The following TMEM196 variants were observed in gnomAD, a reference collection of about 807,000 sequenced individuals.
The protein encoded by TMEM196 is transmembrane protein 196.
Under a neutral mutation model 20.0 loss-of-function variants are expected in TMEM196, and 17 were observed. The ratio of observed to expected loss-of-function variants is 0.85; its 90% CI spans 0.58 to 1.27. The LOEUF (loss-of-function observed/expected upper bound fraction) is 1.27. Among genes scored for constraint, TMEM196 ranks in the 50% most tolerant of loss-of-function variants. TMEM196 has a pLI of 0.00. For missense variants in TMEM196, 267 were observed against 223.0 expected (o/e 1.20, Z -1.26); for synonymous variants, 113 against 88.9 (o/e 1.27, Z -1.52).
chr7:19,731,566 C>T (rs943584473), intron 1 of TMEM196, among the ~76,000 whole-genome samples: 1 of 152,198 alleles, frequency 6.6e-6, no homozygotes, highest in African/African-American at 2.4e-5. Flanking sequence ...TCCCATTTAT[C>T]CAGAACTCAT....
intron 1 of TMEM196, among the ~76,000 whole-genome samples, chr7:19,772,089 A>T (rs1425477075): frequency 6.6e-6 from 1 of 152,136 alleles, no homozygotes; most frequent in Non-Finnish European, 1.5e-5. Context: ...TTGCCCAGGG[A>T]TAAATGCATA....
intron 1 of TMEM196, among the ~76,000 whole-genome samples, chr7:19,764,192 T>C (rs1358656248): frequency 1.3e-5 from 2 of 152,220 alleles, no homozygotes; most frequent in South Asian, 2.1e-4. Flanking sequence ...CAAGTCTTTC[T>C]TTTGATCCAG....
At chr7:19,747,070 A>T (rs951076302) in intron 1 of TMEM196, among the ~76,000 whole-genome samples, 33 of 151,746 alleles carry the variant, frequency 2.2e-4, no homozygotes, top group African/African-American at 7.7e-4. Flanking sequence ...CCCGGCTAAA[A>T]CGGTGAAACC....
chr7:19,765,689 C>G (rs1303751201), intron 1 of TMEM196, among the ~76,000 whole-genome samples: 1 of 151,970 alleles, frequency 6.6e-6, no homozygotes, highest in Non-Finnish European at 1.5e-5. Context: ...GAGTTTCTAC[C>G]ACCCTCTCTC....
At chr7:19,769,950 T>A (rs568523970) in intron 1 of TMEM196, among the ~76,000 whole-genome samples, 1 of 152,162 alleles carries the variant, frequency 6.6e-6, no homozygotes, top group South Asian at 2.1e-4. Flanking sequence ...TGTATTTAAT[T>A]TGTTCCTTTT....
intron 1 of TMEM196, among the ~76,000 whole-genome samples, chr7:19,747,465 G>A (rs1784801884): frequency 6.6e-6 from 1 of 152,122 alleles, no homozygotes; most frequent in Admixed American, 6.5e-5. Context: ...AAGGAATGGA[G>A]TAATGTTTAT....
intron 1 of TMEM196, among the ~76,000 whole-genome samples, chr7:19,742,328 A>G (rs960406105): frequency 6.6e-6 from 1 of 152,078 alleles, no homozygotes; most frequent in African/African-American, 2.4e-5. Context: ...TCTTCGAAGG[A>G]CTATAACCAA....
intron 2 of TMEM196, among the ~76,000 whole-genome samples, chr7:19,727,974 A>C (rs1353549889): frequency 2.6e-5 from 4 of 152,092 alleles, no homozygotes; most frequent in Admixed American, 6.5e-5. Context: ...AAATGCCATC[A>C]ATGGGGACCT....
chr7:19,723,241 T>C (rs565234912), intron 4 of TMEM196, among the ~76,000 whole-genome samples: 1 of 152,230 alleles, frequency 6.6e-6, no homozygotes, highest in South Asian at 2.1e-4. Context: ...GAACTCACCA[T>C]TGATGGCAAA....
intron 1 of TMEM196, among the ~76,000 whole-genome samples, chr7:19,765,490 A>G (rs1785590951): frequency 6.6e-6 from 1 of 152,180 alleles, no homozygotes; most frequent in South Asian, 2.1e-4. Context: ...CAAGTTTCTA[A>G]GATATTAAGC....
At chr7:19,771,763 T>C (rs10486369) in intron 1 of TMEM196, among the ~76,000 whole-genome samples, 4,766 of 152,278 alleles carry the variant, frequency 0.031, 252 homozygotes, top group African/African-American at 0.11. Context: ...AGATTCATCC[T>C]AGTAAAAAAG....
intron 1 of TMEM196, among the ~76,000 whole-genome samples, chr7:19,767,661 A>T (rs926988831): frequency 3.3e-5 from 5 of 152,036 alleles, no homozygotes; most frequent in African/African-American, 1.2e-4. Context: ...AATTTCAGTT[A>T]ATTTTAAAAT....
At chr7:19,753,935 A>T (rs1267602580) in intron 1 of TMEM196, among the ~76,000 whole-genome samples, 1 of 152,152 alleles carries the variant, frequency 6.6e-6, no homozygotes, top group African/African-American at 2.4e-5. Flanking sequence ...TTGCCACCGA[A>T]GGCACATCTT....
In TMEM196 at chr7:19,725,640, C is replaced by T. The variant is rs138886342; in HGVS notation, c.333G>A (p.Ala111=). ...GAGTGCAGCCCCCGATCCCAATGCA[C>T]GCGAGAGACATGGAGGCAAGGTGCA... ...YPLHLASMSL[A]CIGIGGCTLS... Residue 111 remains alanine (A), a synonymous_variant, in exon 3 of 5, where the codon GCG becomes GCA. Transcript: ENST00000405844. 25 of 1,614,086 alleles carry T rather than the reference C, an allele frequency of 1.5e-5. No individual in the cohort carries two copies. Among genetic ancestry groups the T allele is most frequent in the East Asian group, 2.2e-5 (1 of 44,880 alleles).
At chr7:19,760,592 C>G (rs938526057) in intron 1 of TMEM196, among the ~76,000 whole-genome samples, 2 of 152,068 alleles carry the variant, frequency 1.3e-5, no homozygotes, top group Admixed American at 1.3e-4. Flanking sequence ...AACTCCCAAC[C>G]TCAACCAATC....
chr7:19,752,099 C>T (rs917247511), intron 1 of TMEM196, among the ~76,000 whole-genome samples: 1 of 152,146 alleles, frequency 6.6e-6, no homozygotes, highest in Admixed American at 6.5e-5. Context: ...CAGATTGTGT[C>T]GATGCTCCAA....
intron 1 of TMEM196, among the ~76,000 whole-genome samples, chr7:19,749,540 A>AT (rs889359661): frequency 6.6e-6 from 1 of 152,146 alleles, no homozygotes; most frequent in African/African-American, 2.4e-5. Context: ...TTTTAAATAA[A>AT]TTTTTTTGTG....
At chr7:19,737,780 G>A (rs1784459845) in intron 1 of TMEM196, among the ~76,000 whole-genome samples, 2 of 151,872 alleles carry the variant, frequency 1.3e-5, no homozygotes, top group South Asian at 4.1e-4. Flanking sequence ...AAAAGGCAAA[G>A]CATAGGGTAT....
chr7:19,729,760 A>G (rs1319242512), intron 1 of TMEM196, among the ~76,000 whole-genome samples: 2 of 152,068 alleles, frequency 1.3e-5, no homozygotes, highest in African/African-American at 4.8e-5. Flanking sequence ...TCTCAGGGAG[A>G]AAAGTGGTGT....
Sources: gnomAD v4.1 joint callset for allele counts (sites outside exome capture counted in the v4.1 genomes callset) on GRCh38, gnomAD v4.1.1 for gene constraint, MANE v1.5 for transcripts, NCBI Gene and HGNC (gene_info 2026-07-23, HGNC 2026-07-21) for gene names.